Variants in DNAI1 observed in about 807,000 individuals in gnomAD.
DNAI1 encodes dynein axonemal intermediate chain 1.
Under a neutral mutation model 92.0 loss-of-function variants are expected in DNAI1, and 67 were observed. The observed-to-expected ratio is 0.73, with a 90% CI of 0.60 to 0.89. DNAI1 has a LOEUF of 0.89. DNAI1 is among the 40% of genes least tolerant of loss of function. The probability of loss-of-function intolerance (pLI) is 0.00; values close to 1 mark genes in which losing one functional copy is unlikely to be tolerated. For missense variants in DNAI1, 839 were observed against 866.6 expected (o/e 0.97, Z 0.40); for synonymous variants, 323 against 319.6 (o/e 1.01, Z -0.11).
chr9:34,483,125 C>T (rs779581159), intron 1 of DNAI1, among the ~76,000 whole-genome samples: 2 of 152,240 alleles, frequency 1.3e-5, no homozygotes, highest in African/African-American at 4.8e-5. Flanking sequence ...CACTCAGCCC[C>T]GGTTCCCGCT....
intron 14 of DNAI1, 25 bp from the exon 15 acceptor site, chr9:34,512,312 C>A (rs200423125): frequency 1.1e-4 from 175 of 1,613,680 alleles, no homozygotes; most frequent in African/African-American, 7.6e-4. Context: ...CCCTCCCCCC[C>A]ACATCCCTCT....
intron 5 of DNAI1, 109 bp from the exon 6 acceptor site, chr9:34,489,903 A>G: frequency 5.3e-6 from 8 of 1,514,588 alleles, no homozygotes; most frequent in South Asian, 1.2e-5. Flanking sequence ...GAGCTAACCC[A>G]TGACACTCAG....
intron 1 of DNAI1, 119 bp downstream of exon 1, chr9:34,459,172 C>T (rs1233296711): frequency 1.0e-6 from 1 of 977,276 alleles, no homozygotes; most frequent in Non-Finnish European, 1.6e-6. Flanking sequence ...CCTTCTCACC[C>T]CCGTGACCTC....
chr9:34,476,068 A>G (rs1824230952), intron 1 of DNAI1, among the ~76,000 whole-genome samples: 1 of 152,158 alleles, frequency 6.6e-6, no homozygotes, highest in Admixed American at 6.5e-5. Context: ...GATCTGAACA[A>G]TTCTCAGTGT....
intron 4 of DNAI1, among the ~76,000 whole-genome samples, chr9:34,486,899 C>T (rs1031552988): frequency 6.6e-6 from 1 of 152,156 alleles, no homozygotes; most frequent in Non-Finnish European, 1.5e-5. Flanking sequence ...GTGACTGGCT[C>T]GTCTCACTTA....
Position 34,458,834 on chromosome 9 carries a change from G to T in DNAI1, c.-172G>T. On this transcript the variant is annotated 5_prime_UTR_variant, in exon 1 of 20. Transcript: ENST00000242317. The surrounding 1 kb of genome is among the most constrained non-coding windows in gnomAD (Gnocchi z 6.6). ...GCTGGGTAACCGCGTCAGGGAGTTG[G>T]ATTCTATCCTGCAAGGGCACGGGGA... 1.4e-6 allele frequency: 1 copy of T among 692,504 alleles called. No homozygotes were observed. The highest frequency in any genetic ancestry group is 2.7e-5 in the East Asian group (1 of 36,832). The allele number at this position is 692,504 out of a possible 1,614,324, so 42.9% of individuals were successfully genotyped here.
intron 9 of DNAI1, among the ~76,000 whole-genome samples, chr9:34,495,932 A>G (rs530580776): frequency 7.9e-5 from 12 of 152,174 alleles, no homozygotes; most frequent in Non-Finnish European, 1.8e-4. Context: ...TCAGTTTTCA[A>G]AGATAAACTT....
At chr9:34,465,154 C>T (rs1824014385) in intron 1 of DNAI1, among the ~76,000 whole-genome samples, 1 of 152,046 alleles carries the variant, frequency 6.6e-6, no homozygotes, top group Non-Finnish European at 1.5e-5. Context: ...AAAAGCTAAA[C>T]TGAATTGAGC....
chr9:34,492,499 T>TAGATATAGATATAGATATAG (rs1564033892), intron 8 of DNAI1, among the ~76,000 whole-genome samples: 1 of 42,076 alleles, frequency 2.4e-5, no homozygotes, highest in African/African-American at 1.1e-4. Context: ...TGAAGATATA[T>TAGATATAGATATAGATATAG]ATATATATAT....
intron 13 of DNAI1, among the ~76,000 whole-genome samples, chr9:34,510,605 G>A (rs540204055): frequency 7.9e-5 from 12 of 152,058 alleles, no homozygotes; most frequent in African/African-American, 2.9e-4. Context: ...TGTGACTTGC[G>A]CACATACACA....
Position 34,485,234 on chromosome 9 carries a change from C to A in DNAI1, c.174C>A (p.Thr58=), listed in dbSNP as rs752803659. The change falls in exon 3 of 20, where the codon ACC becomes ACA. Residue 58 remains threonine (T), a synonymous_variant. Coordinates refer to ENST00000242317, the MANE Select transcript of DNAI1 (RefSeq NM_012144.4). ...GACCCCCTGACCAGCTGGAGTTGAC[C>A]GATGCGGTGAGTGAGTAGCCTCTTG... ...TVRPPDQLEL[T]DAELKEEFTR... The A allele has an allele frequency of 1.2e-6, 2 of 1,614,040 alleles. No individual in the cohort carries two copies. Among genetic ancestry groups the A allele is most frequent in the African/African-American group, 2.7e-5 (2 of 74,916 alleles).
chr9:34,514,697 A>T lies in DNAI1; in HGVS notation c.1776A>T (p.Pro592=), dbSNP rs1008510837. 6.2e-7 allele frequency: 1 copy of T among 1,614,134 alleles called. No homozygotes were observed. The highest frequency in any genetic ancestry group is 1.3e-5 in the African/African-American group (1 of 75,046). Reference sequence around the variant, plus strand: ...CCGTGGGTGATGTGGCCTGGGCGCCATACTCTTCTACTGTGTTCGCAGCAG... The same window carrying T: ...CCGTGGGTGATGTGGCCTGGGCGCCTTACTCTTCTACTGTGTTCGCAGCAG... The part of the protein sequence containing the change: ...NSAVGDVAWA[P]YSSTVFAAVT... Residue 592 remains proline, a synonymous_variant, in exon 18 of 20, where the codon CCA becomes CCT. Coordinates refer to ENST00000242317, the MANE Select transcript of DNAI1 (RefSeq NM_012144.4).
At chr9:34,497,476 G>C (rs934915723) in intron 10 of DNAI1, among the ~76,000 whole-genome samples, 1 of 152,206 alleles carries the variant, frequency 6.6e-6, no homozygotes, top group African/African-American at 2.4e-5. Context: ...TGATAACCCT[G>C]GGAGGCAGGC....
intron 19 of DNAI1, 42 bp from the exon 20 acceptor site, chr9:34,520,616 G>A: frequency 6.5e-7 from 1 of 1,531,798 alleles, no homozygotes; most frequent in Non-Finnish European, 8.8e-7. Context: ...AGAGAGGGGG[G>A]GCCCACCATT....
At chr9:34,517,619 G>A (rs1361028834) in intron 19 of DNAI1, 152 bp downstream of exon 19, 1 of 973,682 alleles carries the variant, frequency 1.0e-6, no homozygotes, top group Non-Finnish European at 1.5e-6. Flanking sequence ...GCTCACAGTA[G>A]AAGCAGGTTT....
chr9:34,472,914 A>T (rs76907530), intron 1 of DNAI1, among the ~76,000 whole-genome samples: 15 of 151,436 alleles, frequency 9.9e-5, no homozygotes, highest in Non-Finnish European at 1.6e-4. Context: ...AAAAAAAAAA[A>T]TTATGACGAT....
intron 19 of DNAI1, among the ~76,000 whole-genome samples, 168 bp from the exon 20 acceptor site, chr9:34,520,490 C>T (rs1224721000): frequency 6.6e-6 from 1 of 152,194 alleles, no homozygotes; most frequent in Middle Eastern, 3.4e-3. Flanking sequence ...TCACCTAACC[C>T]GAGTTGGGGA....
intron 7 of DNAI1, among the ~76,000 whole-genome samples, chr9:34,491,187 C>T (rs1824583412): frequency 1.3e-5 from 2 of 152,190 alleles, no homozygotes; most frequent in African/African-American, 4.8e-5. Flanking sequence ...ACCTCTATGC[C>T]CTGGCCTGGC....
intron 18 of DNAI1, among the ~76,000 whole-genome samples, chr9:34,516,223 T>C (rs766594697): frequency 1.3e-5 from 2 of 151,774 alleles, no homozygotes; most frequent in Admixed American, 6.6e-5. Context: ...GTGGTTGGGG[T>C]AGAGTAAGCA....
Sources: allele counts gnomAD v4.1 joint callset (sites outside exome capture counted in the v4.1 genomes callset), GRCh38; gene constraint gnomAD v4.1.1; non-coding constraint Gnocchi (gnomAD v3.1); transcripts MANE v1.5; gene names NCBI Gene and HGNC (gene_info 2026-07-23, HGNC 2026-07-21).